The following KHDRBS2 variants were observed in gnomAD, a reference collection of about 807,000 sequenced individuals.
KHDRBS2 encodes KH RNA binding domain containing, signal transduction associated 2, also known as KH domain-containing, RNA-binding, signal transduction-associated protein 2.
A neutral mutation model predicts 44.3 loss-of-function variants in KHDRBS2; 26 were observed. That is an observed-to-expected ratio of 0.59 (90% CI 0.43 to 0.81). The LOEUF (loss-of-function observed/expected upper bound fraction) is 0.81, where lower values mean the gene tolerates loss of function less well. Among genes scored for constraint, KHDRBS2 ranks in the 40% least tolerant of loss-of-function variants. The pLI is 0.00. For missense variants in KHDRBS2, 476 were observed against 433.1 expected (o/e 1.10, Z -0.88); for synonymous variants, 194 against 151.1 (o/e 1.28, Z -2.08).
chr6:61,776,629 C>G (rs1782066549), intron 6 of KHDRBS2, among the ~76,000 whole-genome samples: 1 of 152,112 alleles, frequency 6.6e-6, no homozygotes, highest in Non-Finnish European at 1.5e-5. Context: ...ATTAAAAAGT[C>G]AGGAAACAAC....
intron 6 of KHDRBS2, among the ~76,000 whole-genome samples, chr6:61,823,065 A>G (rs1392749610): frequency 1.3e-5 from 2 of 151,974 alleles, no homozygotes; most frequent in Non-Finnish European, 1.5e-5. Context: ...TAAATGATGC[A>G]TGATGGGGTC....
chr6:62,261,540 A>T (rs1437357314), intron 1 of KHDRBS2, among the ~76,000 whole-genome samples: 1 of 151,896 alleles, frequency 6.6e-6, no homozygotes, highest in Non-Finnish European at 1.5e-5. Flanking sequence ...TGTAGTATAA[A>T]AGTAAATAAG....
chr6:61,774,150 C>A (rs1290458493), intron 6 of KHDRBS2, among the ~76,000 whole-genome samples: 52 of 152,118 alleles, frequency 3.4e-4, no homozygotes, highest in Admixed American at 3.2e-3. Flanking sequence ...GCCATATGAA[C>A]TTTAAAGTAG....
chr6:61,568,873 C>A, the KHDRBS2 span, among the ~76,000 whole-genome samples: 2 of 152,180 alleles, frequency 1.3e-5, no homozygotes, highest in East Asian at 1.9e-4. Context: ...AATCTTCCAA[C>A]TGAAATTAGT....
intron 4 of KHDRBS2, among the ~76,000 whole-genome samples, chr6:61,969,864 T>G (rs1385682883): frequency 2.6e-5 from 4 of 151,916 alleles, no homozygotes; most frequent in African/African-American, 9.7e-5. Flanking sequence ...CGTAGAATTC[T>G]AAATGAGAGG....
intron 2 of KHDRBS2, among the ~76,000 whole-genome samples, chr6:62,098,601 C>G (rs755822327): frequency 2.6e-5 from 4 of 152,074 alleles, no homozygotes; most frequent in African/African-American, 9.7e-5. Flanking sequence ...TTTGAGAGAT[C>G]AATTATGATA....
At chr6:61,654,123 T>G in the KHDRBS2 span, among the ~76,000 whole-genome samples, 1 of 152,030 alleles carries the variant, frequency 6.6e-6, no homozygotes, top group East Asian at 1.9e-4. Flanking sequence ...GCTATTCTCA[T>G]ATGTGGAAAT....
the KHDRBS2 span, among the ~76,000 whole-genome samples, chr6:61,652,605 C>T: frequency 0.025 from 3,732 of 152,082 alleles, 71 homozygotes; most frequent in Middle Eastern, 0.082. Context: ...AGAAGGGCAA[C>T]AGTGAGTCCC....
chr6:61,934,619 T>G (rs1810696921), intron 4 of KHDRBS2, among the ~76,000 whole-genome samples: 1 of 152,216 alleles, frequency 6.6e-6, no homozygotes, highest in Non-Finnish European at 1.5e-5. Context: ...AGGTCAATTT[T>G]CTTGACTAAC....
intron 6 of KHDRBS2, among the ~76,000 whole-genome samples, chr6:61,748,124 C>T (rs1380576512): frequency 6.6e-6 from 1 of 151,870 alleles, no homozygotes; most frequent in African/African-American, 2.4e-5. Flanking sequence ...CAAGTAGCTG[C>T]GATTACAGGC....
chr6:61,824,609 A>G (rs1790544732), intron 6 of KHDRBS2, among the ~76,000 whole-genome samples: 1 of 152,156 alleles, frequency 6.6e-6, no homozygotes, highest in South Asian at 2.1e-4. Flanking sequence ...TTGCCCTAAA[A>G]TTGGAACATG....
chr6:61,732,554 T>C (rs1437110828), intron 7 of KHDRBS2, 128 bp downstream of exon 7: 4 of 653,954 alleles, frequency 6.1e-6, no homozygotes, highest in African/African-American at 3.6e-5. Flanking sequence ...AACTTGATAA[T>C]TCAGAAAGAT....
intron 3 of KHDRBS2, among the ~76,000 whole-genome samples, chr6:62,002,012 T>C (rs1047847673): frequency 1.3e-5 from 2 of 152,158 alleles, no homozygotes; most frequent in Non-Finnish European, 2.9e-5. Context: ...GTACTCACTT[T>C]AGCTGAAGCA....
intron 3 of KHDRBS2, among the ~76,000 whole-genome samples, chr6:62,028,168 G>GA (rs1238471353): frequency 1.3e-5 from 2 of 152,128 alleles, no homozygotes; most frequent in East Asian, 1.9e-4. Flanking sequence ...CTGGTACTGG[G>GA]AAAAAACTCC....
chr6:62,087,071 C>T lies in KHDRBS2; in HGVS notation c.220-39077G>A, dbSNP rs185124804. ...GAAGGAACTATGTAAATTTATAAGA[C>T]ATGTATGAACCTTGTCTCTTTCTAG... On this transcript the variant is annotated intron_variant, in intron 2 of 8. Transcript: ENST00000281156. Among the ~76,000 whole-genome samples, 6 of 152,094 alleles carry T rather than the reference C, an allele frequency of 3.9e-5. No individual in the cohort carries two copies. The East Asian group carries it at 1.2e-3, about 29-fold the overall frequency.
chr6:61,697,060 C>T (rs1767984647), intron 8 of KHDRBS2, 135 bp downstream of exon 8: 1 of 704,596 alleles, frequency 1.4e-6, no homozygotes, highest in Non-Finnish European at 2.5e-6. Context: ...AGTCAAATCT[C>T]ACCCTGGAAT....
intron 6 of KHDRBS2, among the ~76,000 whole-genome samples, chr6:61,861,696 G>T (rs1797004550): frequency 6.6e-6 from 1 of 151,426 alleles, no homozygotes; most frequent in Non-Finnish European, 1.5e-5. Flanking sequence ...GGCTATTCAG[G>T]CTCTTTTGGA....
intron 6 of KHDRBS2, among the ~76,000 whole-genome samples, chr6:61,850,775 T>C (rs1261149092): frequency 6.6e-6 from 1 of 152,082 alleles, no homozygotes; most frequent in Non-Finnish European, 1.5e-5. Flanking sequence ...GGCAATACCT[T>C]TGAAGGAGAC....
chr6:61,811,047 T>C (rs1788036843), intron 6 of KHDRBS2, among the ~76,000 whole-genome samples: 1 of 152,074 alleles, frequency 6.6e-6, no homozygotes, highest in African/African-American at 2.4e-5. Context: ...GGCTTCTATT[T>C]ATCCTGTCAC....
Sources: allele counts gnomAD v4.1 joint callset (sites outside exome capture counted in the v4.1 genomes callset), GRCh38; gene constraint gnomAD v4.1.1; transcripts MANE v1.5; gene names NCBI Gene and HGNC (gene_info 2026-07-23, HGNC 2026-07-21).